The following CRB1 variants were observed in gnomAD, a reference collection of about 807,000 sequenced individuals.
CRB1 encodes the protein crumbs cell polarity complex component 1.
CRB1 carries 83 observed loss-of-function variants against 120.0 expected under a neutral mutation model. The ratio of observed to expected loss-of-function variants is 0.69; its 90% CI spans 0.58 to 0.83. The LOEUF (loss-of-function observed/expected upper bound fraction) is 0.83. Among genes scored for constraint, CRB1 ranks in the 40% least tolerant of loss-of-function variants. The pLI is 0.00. For synonymous variants in CRB1, 625 were observed against 612.5 expected, an observed-to-expected ratio of 1.02 and a Z score of -0.30; for missense variants, 1,699 against 1,687.6, an observed-to-expected ratio of 1.01 and a Z score of -0.12.
intron 3 of CRB1, among the ~76,000 whole-genome samples, chr1:197,346,727 G>A (rs1659798344): frequency 6.6e-6 from 1 of 152,072 alleles, no homozygotes; most frequent in Admixed American, 6.5e-5. Flanking sequence ...TTGTATTTTG[G>A]GGCTATTTGA....
At chr1:197,460,158 A>G (rs1666462563) in intron 11 of CRB1, among the ~76,000 whole-genome samples, 1 of 151,932 alleles carries the variant, frequency 6.6e-6, no homozygotes, top group Admixed American at 6.6e-5. Flanking sequence ...TGATCAGATT[A>G]AGTCTTCTTT....
intron 10 of CRB1, chr1:197,439,010 G>T: frequency 3.5e-6 from 1 of 284,988 alleles, no homozygotes; most frequent in Non-Finnish European, 6.8e-6. Flanking sequence ...TGCTGTCGAG[G>T]TAAAATAAAT....
At chr1:197,325,721 A>C (rs1041922965) in intron 1 of CRB1, among the ~76,000 whole-genome samples, 2 of 152,166 alleles carry the variant, frequency 1.3e-5, no homozygotes, top group South Asian at 4.1e-4. Context: ...AGGAAAAAAA[A>C]CACCAGAAAT....
chr1:197,444,165 T>TA (rs1665591165), intron 11 of CRB1: 1 of 152,186 alleles, frequency 6.6e-6, no homozygotes. Flanking sequence ...ATATCCTTGT[T>TA]ATAGAGTACA....
chr1:197,327,908 GA>G (rs758474331), intron 1 of CRB1, among the ~76,000 whole-genome samples: 2 of 151,670 alleles, frequency 1.3e-5, no homozygotes, highest in Non-Finnish European at 2.9e-5. Context: ...CTCTTAAAAA[GA>G]AAAAAGAAAG....
At chr1:197,317,784 C>T (rs889953073) in intron 1 of CRB1, among the ~76,000 whole-genome samples, 2 of 152,152 alleles carry the variant, frequency 1.3e-5, no homozygotes, top group African/African-American at 4.8e-5. Flanking sequence ...GGGTAAACTG[C>T]ATATGCACAT....
chr1:197,231,584 A>G, the CRB1 span, among the ~76,000 whole-genome samples: 1 of 152,344 alleles, frequency 6.6e-6, no homozygotes, highest in East Asian at 1.9e-4. Context: ...TGTAGTATGA[A>G]GAAAGTGATG....
At chr1:197,241,500 C>T in the CRB1 span, among the ~76,000 whole-genome samples, 961 of 152,156 alleles carry the variant, frequency 6.3e-3, 14 homozygotes, top group African/African-American at 0.022. Flanking sequence ...TGTCAAAGTT[C>T]GGATGGTTGT....
intron 1 of CRB1, among the ~76,000 whole-genome samples, chr1:197,317,308 C>A (rs1657911178): frequency 6.6e-6 from 1 of 152,168 alleles, no homozygotes; most frequent in Admixed American, 6.5e-5. Flanking sequence ...ATCCCAGCTA[C>A]TGGGGAGGCT....
chr1:197,213,600 G>A, the CRB1 span, among the ~76,000 whole-genome samples: 1 of 152,124 alleles, frequency 6.6e-6, no homozygotes, highest in Non-Finnish European at 1.5e-5. Flanking sequence ...GCTCTTCTTT[G>A]AAACATTTTC....
chr1:197,393,521 AT>A (rs35582213), intron 5 of CRB1, among the ~76,000 whole-genome samples: 1 of 151,664 alleles, frequency 6.6e-6, no homozygotes, highest in Admixed American at 6.6e-5. Flanking sequence ...AAAAGTAGTC[AT>A]TTTTTTTGAA....
the CRB1 span, among the ~76,000 whole-genome samples, chr1:197,261,781 T>C: frequency 6.6e-6 from 1 of 152,174 alleles, no homozygotes; most frequent in Non-Finnish European, 1.5e-5. Flanking sequence ...ATTAAGAGCA[T>C]TGGAATAAGC....
chr1:197,266,108 A>G (rs916188454), upstream of CRB1, among the ~76,000 whole-genome samples: 1 of 152,126 alleles, frequency 6.6e-6, no homozygotes, highest in African/African-American at 2.4e-5. Flanking sequence ...CTCTATTCCT[A>G]TATACATATC....
In CRB1 at chr1:197,328,923, C is replaced by G; in HGVS notation, c.572C>G (p.Ala191Gly). ...RHCDLEVDEC[A>G]SDPCKNEATC... is the part of the protein sequence containing the mutation. Reference sequence around the variant, plus strand: ...TGCGACTTGGAAGTGGATGAATGTGCTTCAGATCCCTGCAAGAACGAGGCT... The same window carrying G: ...TGCGACTTGGAAGTGGATGAATGTGGTTCAGATCCCTGCAAGAACGAGGCT... The change falls in exon 2 of 12, where the codon GCT (alanine) becomes GGT (glycine). Residue 191 changes from alanine to glycine, a missense_variant. Coordinates refer to ENST00000367400, the MANE Select transcript of CRB1 (RefSeq NM_201253.3). 1.2e-6 allele frequency: 2 copies of G among 1,614,174 alleles called. No individual in the cohort carries two copies. The highest frequency in any genetic ancestry group is 1.7e-6 in the Non-Finnish European group (2 of 1,180,030).
intron 5 of CRB1, among the ~76,000 whole-genome samples, chr1:197,401,001 G>A (rs1663038808): frequency 6.6e-6 from 1 of 151,804 alleles, no homozygotes; most frequent in African/African-American, 2.4e-5. Flanking sequence ...TATACACAGA[G>A]AAATTGAAAT....
intron 11 of CRB1, among the ~76,000 whole-genome samples, chr1:197,459,473 C>G (rs1447786405): frequency 6.6e-6 from 1 of 152,018 alleles, no homozygotes; most frequent in Non-Finnish European, 1.5e-5. Flanking sequence ...GAGGAACCAC[C>G]CATTTCCTGG....
At chr1:197,414,479 T>G (rs1663870949) in intron 5 of CRB1, among the ~76,000 whole-genome samples, 1 of 152,134 alleles carries the variant, frequency 6.6e-6, no homozygotes, top group Admixed American at 6.5e-5. Context: ...GTAGAAATTT[T>G]TGCTATCATG....
At chr1:197,297,777 G>C (rs1337974082) in intron 1 of CRB1, among the ~76,000 whole-genome samples, 1 of 152,046 alleles carries the variant, frequency 6.6e-6, no homozygotes, top group Non-Finnish European at 1.5e-5. Context: ...GGAGCCTATA[G>C]AACTTAGAGG....
chr1:197,210,805 G>A, the CRB1 span, among the ~76,000 whole-genome samples: 1 of 152,102 alleles, frequency 6.6e-6, no homozygotes, highest in Non-Finnish European at 1.5e-5. Context: ...AGAGAGTATA[G>A]TCTGCAGAAG....
Sources: allele counts gnomAD v4.1 joint callset (sites outside exome capture counted in the v4.1 genomes callset), GRCh38; gene constraint gnomAD v4.1.1; transcripts MANE v1.5; gene names NCBI Gene and HGNC (gene_info 2026-07-23, HGNC 2026-07-21).